Variants in CTDSP1 observed in about 807,000 individuals in gnomAD.
CTDSP1 encodes the protein CTD small phosphatase 1.
In CTDSP1, 15 loss-of-function variants were observed where a neutral mutation model predicts 32.5. The ratio of observed to expected loss-of-function variants is 0.46; its 90% CI spans 0.31 to 0.71. CTDSP1 has a LOEUF of 0.71. CTDSP1 is among the 30% of genes least tolerant of loss of function. The probability of loss-of-function intolerance (pLI) is 0.05; values close to 1 mark genes in which losing one functional copy is unlikely to be tolerated. For synonymous variants in CTDSP1, 185 were observed against 145.4 expected, an observed-to-expected ratio of 1.27 and a Z score of -1.96; for missense variants, 294 against 351.1, an observed-to-expected ratio of 0.84 and a Z score of 1.30.
chr2:218,402,138 G>C lies in CTDSP1; in HGVS notation c.244G>C (p.Glu82Gln). The change falls in exon 3 of 7, where the codon GAG (glutamate) becomes CAG (glutamine). Residue 82 changes from glutamate to glutamine, a missense_variant. Glu to Gln is a conservative substitution (Grantham distance 29, BLOSUM62 2). Around this residue, in one of 2 missense-constraint regions of CTDSP1, gnomAD observed 148 missense variants for 113.3 expected, o/e 1.31. Transcript: ENST00000273062. ...GACCCCAGTCCAATACCTGCTCCCT[G>C]AGGCCAAGGCCCAGGACTCAGACAA... ...KQTPVQYLLP[E>Q]AKAQDSDKIC... 6.2e-7 allele frequency: 1 copy of C among 1,613,480 alleles called. No individual in the cohort carries two copies. The highest frequency in any genetic ancestry group is 8.5e-7 in the Non-Finnish European group (1 of 1,179,866).
Position 218,400,571 on chromosome 2 carries a change from C to T in CTDSP1, c.67+414C>T, listed in dbSNP as rs189593448. On this transcript the variant is annotated intron_variant, in intron 1 of 6. Coordinates refer to ENST00000273062, the MANE Select transcript of CTDSP1 (RefSeq NM_021198.3). ...ACCCCCACCCCCCCGGGCTGCGGTC[C>T]GGTAGGGTCTTGGGAGGGGGCGCCG... 8.8e-3 allele frequency: 3,295 copies of T among 372,704 alleles called. 95 individuals carry two copies. Among genetic ancestry groups the T allele is most frequent in the African/African-American group, 0.061 (2,880 of 47,302 alleles). The allele number at this position is 372,704 out of a possible 1,614,324, so 23.1% of individuals were successfully genotyped here. A position where few individuals can be genotyped will look rare whatever the true frequency, so the allele number is the denominator to read the frequency against.
intron 6 of CTDSP1, among the ~76,000 whole-genome samples, 194 bp from the exon 7 acceptor site, chr2:218,404,103 A>G (rs1487402763): frequency 1.3e-5 from 2 of 152,062 alleles, no homozygotes; most frequent in Non-Finnish European, 2.9e-5. Context: ...AGATAAGGTT[A>G]GGAATTGTGA....
Position 218,404,614 on chromosome 2 carries a change from G to C in CTDSP1, c.*189G>C. The C allele has an allele frequency of 1.6e-6, 1 of 636,900 alleles. No individual in the cohort carries two copies. Among genetic ancestry groups the C allele is most frequent in the Non-Finnish European group, 2.6e-6 (1 of 382,498 alleles). 39.5% of individuals were successfully genotyped at this position (636,900 alleles called of 1,614,324 possible). On this transcript the variant is annotated 3_prime_UTR_variant, in exon 7 of 7. Coordinates refer to ENST00000273062, the MANE Select transcript of CTDSP1 (RefSeq NM_021198.3). ...CAGCAGGCTGCACTGAGGACCGTGA[G>C]CTCCAGGCCCCGTGTCAGTGCCTTC... is the stretch of plus-strand genomic sequence containing the variant.
chr2:218,397,592 T>C (rs1467147045), upstream of CTDSP1, among the ~76,000 whole-genome samples: 2 of 152,206 alleles, frequency 1.3e-5, no homozygotes, highest in Non-Finnish European at 2.9e-5. Context: ...ATCCCGTTCC[T>C]GCCCCTCCCC....
upstream of CTDSP1, among the ~76,000 whole-genome samples, chr2:218,397,293 C>T (rs1696866893): frequency 6.6e-6 from 1 of 152,214 alleles, no homozygotes; most frequent in Non-Finnish European, 1.5e-5. Context: ...GAGCTGCCCC[C>T]ATTCCCCCCA....
chr2:218,398,790 A>C, upstream of CTDSP1: 1 of 209,016 alleles, frequency 4.8e-6, no homozygotes. Flanking sequence ...ACAAAATAGT[A>C]ACGACGAGTG....
rs1394634460 is a variant in CTDSP1 at position 218,405,897 on chromosome 2, G to A, written c.*1472G>A. 5 of 152,944 alleles carry A rather than the reference G, an allele frequency of 3.3e-5. No homozygotes were observed. In the Admixed American group the frequency reaches 3.3e-4, roughly 10 times the overall value. 9.5% of individuals were successfully genotyped at this position (152,944 alleles called of 1,614,324 possible). Reference sequence around the variant, plus strand: ...CCATTTAAGTGCCTTCTCTGTGACTGAGAGCCCTAGTGTGATGAGAACTAA... The same window carrying A: ...CCATTTAAGTGCCTTCTCTGTGACTAAGAGCCCTAGTGTGATGAGAACTAA... On this transcript the variant is annotated 3_prime_UTR_variant, in exon 7 of 7. Coordinates refer to ENST00000273062, the MANE Select transcript of CTDSP1 (RefSeq NM_021198.3).
intron 2 of CTDSP1, 73 bp downstream of exon 2, chr2:218,401,785 G>A: frequency 7.2e-7 from 1 of 1,398,024 alleles, no homozygotes; most frequent in Admixed American, 2.7e-5. Flanking sequence ...AGGGGCTCCT[G>A]ACTGAGCTTT....
intron 6 of CTDSP1, 85 bp from the exon 7 acceptor site, chr2:218,404,212 T>C: frequency 1.3e-6 from 2 of 1,522,980 alleles, no homozygotes; most frequent in Non-Finnish European, 8.9e-7. Flanking sequence ...CTGCATGATC[T>C]GAGTAGTGGC....
upstream of CTDSP1, chr2:218,399,709 G>T: frequency 1.0e-6 from 1 of 991,034 alleles, no homozygotes; most frequent in Non-Finnish European, 1.2e-6. Context: ...GGGAGGCGAC[G>T]CCCCCTGGAG....
At position 218,402,275 on chromosome 2, in the gene CTDSP1, G is replaced by A. The variant is rs1697183931; in HGVS notation, c.321+60G>A. 25 of 1,611,354 alleles carry A rather than the reference G, an allele frequency of 1.6e-5. No homozygotes were observed. In the South Asian group the frequency reaches 2.6e-4, roughly 17 times the overall value. The stretch of plus-strand genomic sequence containing the variant: ...CGGGGGGCATCCCCCACCCTGGCCT[G>A]GGAGGGAGGTGTGTGCTGGACCCCA... On this transcript the variant is annotated intron_variant, in intron 3 of 6. Coordinates refer to ENST00000273062, the MANE Select transcript of CTDSP1 (RefSeq NM_021198.3).
At position 218,403,221 on chromosome 2, in the gene CTDSP1, C is replaced by T; in HGVS notation, c.472-11C>T. On this transcript the variant is annotated splice_polypyrimidine_tract_variant and intron_variant, in intron 5 of 6. Coordinates refer to ENST00000273062, the MANE Select transcript of CTDSP1 (RefSeq NM_021198.3). ...CTGCGGGCCCCAGGATGACCCACCT[C>T]CTGCTCCCAGTACGCAGACCCAGTA... The T allele has an allele frequency of 6.2e-7, 1 of 1,611,610 alleles. No individual in the cohort carries two copies. The highest frequency in any genetic ancestry group is 8.5e-7 in the Non-Finnish European group (1 of 1,178,270).
At position 218,403,730 on chromosome 2, in the gene CTDSP1, G is replaced by A. The variant is rs1283438388; in HGVS notation, c.657+313G>A. 1.3e-5 allele frequency: 4 copies of A among 306,306 alleles called. No homozygotes were observed. The Admixed American group carries it at 1.4e-4, about 11-fold the overall frequency. 19.0% of individuals were successfully genotyped at this position (306,306 alleles called of 1,614,324 possible). A position where few individuals can be genotyped will look rare whatever the true frequency, so the allele number is the denominator to read the frequency against. ...TGATGGCCCACAGAATTAATTTAGTGGGTTCTGATTGGGAATTTTAACAAA... is the reference window on the plus strand; with the variant it reads ...TGATGGCCCACAGAATTAATTTAGTAGGTTCTGATTGGGAATTTTAACAAA... On this transcript the variant is annotated intron_variant, in intron 6 of 6. Transcript: ENST00000273062.
rs762615334 is a variant in CTDSP1 at position 218,401,597 on chromosome 2, G to A, written c.101G>A (p.Arg34Gln). The change falls in exon 2 of 7, where the codon CGA becomes CAA. Residue 34 changes from arginine (R) to glutamine (Q), a missense_variant. This residue lies in a region of CTDSP1 where 148 missense variants were observed against 113.3 expected (regional missense o/e 1.31). Transcript: ENST00000273062. ...AAGTCAGCAGCTTCCCAGAAGCCCC[G>A]AAGCCGGGGCATCCTCCACTCACTC... ...DQKSAASQKP[R>Q]SRGILHSLFC... 10 of 1,613,818 alleles carry A rather than the reference G, an allele frequency of 6.2e-6. No homozygotes were observed. Among genetic ancestry groups the A allele is most frequent in the East Asian group, 2.2e-5 (1 of 44,890 alleles).
upstream of CTDSP1, among the ~76,000 whole-genome samples, chr2:218,397,653 TAAAAC>T (rs896219540): frequency 3.3e-5 from 5 of 152,002 alleles, no homozygotes; most frequent in African/African-American, 4.8e-5. Flanking sequence ...GTGCGAATGA[TAAAAC>T]AGACAAAAAA....
intron 4 of CTDSP1, chr2:218,402,647 C>T (rs565919718): frequency 1.4e-5 from 11 of 766,856 alleles, no homozygotes; most frequent in South Asian, 5.5e-5. Context: ...CCACCCTGCC[C>T]GGGACCCAGT....
At chr2:218,403,524 C>T (rs1462297320) in intron 6 of CTDSP1, 107 bp downstream of exon 6, 6 of 979,096 alleles carry the variant, frequency 6.1e-6, no homozygotes, top group South Asian at 3.3e-5. Context: ...GGGTGGGTGC[C>T]CTCCCAGTCC....
In CTDSP1 at chr2:218,404,715, C is replaced by T. The variant is rs979656916; in HGVS notation, c.*290C>T. The T allele has an allele frequency of 2.6e-5, 9 of 347,726 alleles. No homozygotes were observed. Among genetic ancestry groups the T allele is most frequent in the African/African-American group, 1.5e-4 (7 of 47,582 alleles). 21.5% of individuals were successfully genotyped at this position (347,726 alleles called of 1,614,324 possible). On this transcript the variant is annotated 3_prime_UTR_variant, in exon 7 of 7. Coordinates refer to ENST00000273062, the MANE Select transcript of CTDSP1 (RefSeq NM_021198.3). Reference sequence around the variant, plus strand: ...CCTTTTTCTGTCTCTGTCCATGCTGCCATGTTTCTCTGCTGCCAAATTGGG... The same window carrying T: ...CCTTTTTCTGTCTCTGTCCATGCTGTCATGTTTCTCTGCTGCCAAATTGGG...
chr2:218,400,039 G>C lies in CTDSP1; in HGVS notation c.-52G>C. 1.5e-6 allele frequency: 2 copies of C among 1,354,170 alleles called. No homozygotes were observed. Among genetic ancestry groups the C allele is most frequent in the Non-Finnish European group, 1.9e-6 (2 of 1,050,108 alleles). The allele number at this position is 1,354,170 out of a possible 1,614,324, so 83.9% of individuals were successfully genotyped here. On this transcript the variant is annotated 5_prime_UTR_variant, in exon 1 of 7. Coordinates refer to ENST00000273062, the MANE Select transcript of CTDSP1 (RefSeq NM_021198.3). The stretch of plus-strand genomic sequence containing the variant: ...CCCGATTCCGGCCCCAGCCGGGGGG[G>C]AGGCCGGGCGCCCGGGCCAGAGTCC...
Sources: gnomAD v4.1 joint callset for allele counts (sites outside exome capture counted in the v4.1 genomes callset) on GRCh38, gnomAD v4.1.1 for gene constraint, gnomAD v4.1.1 regional missense constraint, MANE v1.5 for transcripts, NCBI Gene and HGNC (gene_info 2026-07-23, HGNC 2026-07-21) for gene names.